The following TMEM50A variants were observed in gnomAD, a reference collection of about 807,000 sequenced individuals.
TMEM50A encodes transmembrane protein 50A, also known as cervical cancer oncogene 9.
Under a neutral mutation model 23.9 loss-of-function variants are expected in TMEM50A, and 8 were observed. The ratio of observed to expected loss-of-function variants is 0.33; its 90% CI spans 0.20 to 0.60. The LOEUF is 0.60. Among genes scored for constraint, TMEM50A ranks in the 20% least tolerant of loss-of-function variants. The pLI is 0.81. For missense variants in TMEM50A, 178 were observed against 192.7 expected, an observed-to-expected ratio of 0.92 and a Z score of 0.45; for synonymous variants, 55 against 60.4, an observed-to-expected ratio of 0.91 and a Z score of 0.41.
chr1:25,358,494 C>G (rs1436748100), intron 6 of TMEM50A, among the ~76,000 whole-genome samples: 1 of 152,200 alleles, frequency 6.6e-6, no homozygotes. Context: ...TTTACTGAAG[C>G]CCTCTTGAAA....
intron 5 of TMEM50A, 60 bp downstream of exon 5, chr1:25,353,034 T>G: frequency 6.7e-7 from 1 of 1,491,956 alleles, no homozygotes; most frequent in South Asian, 1.3e-5. Flanking sequence ...TGCATTAAAG[T>G]TGGTTATTTT....
intron 5 of TMEM50A, 84 bp downstream of exon 5, chr1:25,353,058 T>G: frequency 7.7e-7 from 1 of 1,298,278 alleles, no homozygotes; most frequent in Non-Finnish European, 1.1e-6. Flanking sequence ...ATAAAATTTT[T>G]TTCCTATAGT....
intron 4 of TMEM50A, 143 bp downstream of exon 4, chr1:25,351,836 G>A (rs1645278299): frequency 4.2e-6 from 3 of 722,280 alleles, no homozygotes; most frequent in East Asian, 2.9e-5. Flanking sequence ...TTATGTTTTG[G>A]GCTTGAAATT....
chr1:25,338,508 G>A (rs1368899332), intron 1 of TMEM50A, 52 bp downstream of exon 1: 2 of 152,570 alleles, frequency 1.3e-5, no homozygotes, highest in Middle Eastern at 6.7e-3. Flanking sequence ...GCAGGCTGGA[G>A]AGGCCTCGGA....
At chr1:25,354,611 C>CA (rs1557588124) in intron 5 of TMEM50A, among the ~76,000 whole-genome samples, 2 of 150,252 alleles carry the variant, frequency 1.3e-5, no homozygotes, top group Admixed American at 6.6e-5. Context: ...GACGCTGTCT[C>CA]AAAAAAAGAG....
chr1:25,352,791 T>C, intron 4 of TMEM50A, 91 bp from the exon 5 acceptor site: 2 of 1,228,134 alleles, frequency 1.6e-6, no homozygotes, highest in Non-Finnish European at 2.3e-6. Flanking sequence ...GTTGCACTTT[T>C]TTTTTTTCTG....
chr1:25,346,248 C>CT (rs762439097), intron 3 of TMEM50A, among the ~76,000 whole-genome samples: 1 of 151,626 alleles, frequency 6.6e-6, no homozygotes, highest in Non-Finnish European at 1.5e-5. Flanking sequence ...GTGGGCCTTT[C>CT]TTTTTTTTCT....
At chr1:25,356,929 A>G in intron 6 of TMEM50A, 76 bp downstream of exon 6, 1 of 1,120,158 alleles carries the variant, frequency 8.9e-7, no homozygotes, top group South Asian at 1.5e-5. Context: ...TTCTATATTT[A>G]GTTGCCTAAT....
intron 1 of TMEM50A, among the ~76,000 whole-genome samples, chr1:25,340,096 C>G (rs181927860): frequency 4.1e-4 from 62 of 152,210 alleles, no homozygotes; most frequent in African/African-American, 1.4e-3. Context: ...GCCACCACCC[C>G]CGGCTAATTT....
chr1:25,341,083 A>G (rs1248514431), intron 2 of TMEM50A, among the ~76,000 whole-genome samples: 1 of 152,226 alleles, frequency 6.6e-6, no homozygotes, highest in Non-Finnish European at 1.5e-5. Context: ...TCATTAAAAT[A>G]CATTGTGTGG....
intron 5 of TMEM50A, 104 bp downstream of exon 5, chr1:25,353,078 T>G (rs1409254128): frequency 1.1e-6 from 1 of 909,958 alleles, no homozygotes; most frequent in Non-Finnish European, 1.7e-6. Context: ...TTGGGCCAAC[T>G]ACTAGCGATG....
chr1:25,358,003 AGTGGC>A lies in TMEM50A; in HGVS notation c.428+1154_428+1158del, dbSNP rs3093634. 7.1e-3 allele frequency among the ~76,000 whole-genome samples: 1,026 copies of A among 143,612 alleles called. 15 individuals carry two copies. The highest frequency in any genetic ancestry group is 0.026 in the African/African-American group (976 of 38,264). The allele number at this position is 143,612 out of a possible 152,430, so 94.2% of individuals were successfully genotyped here. ...CACTCTGTCGCCCAGGCTGGAATGC[AGTGGC>A]GTGATCTTGGCTCCCTGCAAACTCT... On this transcript the variant is annotated intron_variant, in intron 6 of 6. Transcript: ENST00000374358.
intron 5 of TMEM50A, among the ~76,000 whole-genome samples, chr1:25,353,264 T>C (rs1187942984): frequency 6.6e-6 from 1 of 152,174 alleles, no homozygotes; most frequent in African/African-American, 2.4e-5. Context: ...GCAGAACATA[T>C]GTTATCTAGC....
At chr1:25,352,292 G>A (rs185940435) in intron 4 of TMEM50A, among the ~76,000 whole-genome samples, 4 of 152,120 alleles carry the variant, frequency 2.6e-5, no homozygotes, top group Admixed American at 2.6e-4. Context: ...TCAGGAGATC[G>A]AGATCATCCT....
intron 6 of TMEM50A, among the ~76,000 whole-genome samples, chr1:25,358,921 A>G (rs1008517246): frequency 1.3e-5 from 2 of 152,168 alleles, no homozygotes; most frequent in Admixed American, 1.3e-4. Context: ...TGCCTGACTA[A>G]TTTTTGTATT....
chr1:25,346,658 C>T (rs553916155), intron 3 of TMEM50A, among the ~76,000 whole-genome samples: 12 of 152,254 alleles, frequency 7.9e-5, no homozygotes, highest in East Asian at 7.7e-4. Context: ...CCTTGGCCTC[C>T]GAGAGTGCTG....
chr1:25,351,934 G>A (rs1645278923), intron 4 of TMEM50A, among the ~76,000 whole-genome samples: 1 of 152,072 alleles, frequency 6.6e-6, no homozygotes, highest in Non-Finnish European at 1.5e-5. Context: ...AATTAAAGAG[G>A]CCCTATCAGA....
At chr1:25,353,012 A>G in intron 5 of TMEM50A, 38 bp downstream of exon 5, 6 of 1,556,094 alleles carry the variant, frequency 3.9e-6, no homozygotes, top group Non-Finnish European at 5.2e-6. Context: ...CTTCAGTGGA[A>G]TACTGGAATT....
rs1247595910 is a variant in TMEM50A at position 25,342,975 on chromosome 1, G to A, written c.108G>A (p.Trp36Ter). 1.9e-6 allele frequency: 3 copies of A among 1,612,352 alleles called. No homozygotes were observed. Among genetic ancestry groups the A allele is most frequent in the Middle Eastern group, 1.7e-4 (1 of 6,050 alleles). ...IAAGVLFFTG[W>*]WIIIDAAVIY... ...CTTTGTTTTAGTTTTTTACAGGCTG[G>A]TGGATTATCATAGATGCAGCTGTTA... The change falls in exon 3 of 7, where the codon TGG (tryptophan) becomes TGA (stop). Residue 36 changes from tryptophan (W) to a stop codon, truncating the protein, a stop_gained. Coordinates refer to ENST00000374358, the MANE Select transcript of TMEM50A (RefSeq NM_014313.4). LOFTEE classifies it high-confidence loss of function.
Sources: allele counts gnomAD v4.1 joint callset (sites outside exome capture counted in the v4.1 genomes callset), GRCh38; gene constraint gnomAD v4.1.1; transcripts MANE v1.5; gene names NCBI Gene and HGNC (gene_info 2026-07-23, HGNC 2026-07-21).